The following ZNF385D variants were observed in gnomAD, a reference collection of about 807,000 sequenced individuals.
ZNF385D encodes zinc finger protein 385D.
ZNF385D carries 15 observed loss-of-function variants against 35.8 expected under a neutral mutation model. The ratio of observed to expected loss-of-function variants is 0.42; its 90% CI spans 0.28 to 0.64. The LOEUF (loss-of-function observed/expected upper bound fraction) is 0.64, where lower values mean the gene tolerates loss of function less well. ZNF385D is among the 30% of genes least tolerant of loss of function. ZNF385D has a pLI of 0.23. For missense variants in ZNF385D, 474 were observed against 494.6 expected, an observed-to-expected ratio of 0.96 and a Z score of 0.39; for synonymous variants, 212 against 186.8, an observed-to-expected ratio of 1.13 and a Z score of -1.10.
intron 2 of ZNF385D, among the ~76,000 whole-genome samples, chr3:22,292,686 T>C (rs1403640086): frequency 6.6e-6 from 1 of 152,074 alleles, no homozygotes; most frequent in Non-Finnish European, 1.5e-5. Flanking sequence ...TGGCATGGAG[T>C]TTTATTTCTG....
intron 2 of ZNF385D, among the ~76,000 whole-genome samples, chr3:21,635,536 G>T (rs1387819): frequency 0.72 from 109,610 of 151,784 alleles, 39,818 homozygotes; most frequent in Admixed American, 0.77. Context: ...GTCACTGTTT[G>T]TTGTTGTTGT....
chr3:21,509,466 TAGAGA>T (rs780376362), intron 4 of ZNF385D, among the ~76,000 whole-genome samples: 36 of 152,288 alleles, frequency 2.4e-4, no homozygotes, highest in Admixed American at 5.9e-4. Flanking sequence ...CTTCGATTAT[TAGAGA>T]AAAGACCAAA....
rs75904001 is a variant in ZNF385D, at chr3:21,656,298, G to A, written c.165+8588C>T. Among the ~76,000 whole-genome samples the A allele has an allele frequency of 3.2e-3, 485 of 151,998 alleles. 3 individuals are homozygous for A. The highest frequency in any genetic ancestry group is 3.8e-3 in the Non-Finnish European group (255 of 67,868). ...TCATAATAATACCATAGACTGGGTG[G>A]TTTCAACAACACACATTTATTGTCT... On this transcript the variant is annotated intron_variant, in intron 2 of 7. Transcript: ENST00000281523.
chr3:21,768,219 G>GC (rs776297429), intron 3 of ZNF385D, among the ~76,000 whole-genome samples: 5 of 152,112 alleles, frequency 3.3e-5, no homozygotes, highest in African/African-American at 4.8e-5. Flanking sequence ...TAAAGATAGA[G>GC]TTATTACCTA....
At chr3:21,689,115 C>T (rs1332796994) in intron 1 of ZNF385D, among the ~76,000 whole-genome samples, 2 of 143,878 alleles carry the variant, frequency 1.4e-5, no homozygotes, top group Admixed American at 1.4e-4. Context: ...TCTGTCCTGC[C>T]CCACCTTATT....
intron 3 of ZNF385D, among the ~76,000 whole-genome samples, chr3:21,913,205 G>A (rs1033194156): frequency 3.9e-5 from 6 of 152,100 alleles, no homozygotes; most frequent in Non-Finnish European, 5.9e-5. Flanking sequence ...GGTTCAGTGA[G>A]GAAGGGAAGG....
At chr3:21,990,451 G>T (rs192289778) in intron 3 of ZNF385D, among the ~76,000 whole-genome samples, 1 of 151,986 alleles carries the variant, frequency 6.6e-6, no homozygotes, top group Non-Finnish European at 1.5e-5. Flanking sequence ...CCTTTATCAG[G>T]GTGATAAGGT....
chr3:22,134,495 C>T (rs775876382), intron 3 of ZNF385D: 5 of 152,142 alleles, frequency 3.3e-5, no homozygotes, highest in South Asian at 2.1e-4. Flanking sequence ...TAAACAACAT[C>T]GTCAACCAAC....
chr3:21,834,877 G>C (rs1164596058), intron 3 of ZNF385D, among the ~76,000 whole-genome samples: 1 of 152,098 alleles, frequency 6.6e-6, no homozygotes, highest in Non-Finnish European at 1.5e-5. Flanking sequence ...GAAGGTGCTT[G>C]CTTCTCCTTC....
chr3:22,180,911 G>GTTTTTTTTTTTTTTTTTTTTTTT (rs1695207512), intron 2 of ZNF385D, among the ~76,000 whole-genome samples: 1 of 60,746 alleles, frequency 1.6e-5, no homozygotes, highest in Non-Finnish European at 2.9e-5. Flanking sequence ...ATATGCTTTT[G>GTTTTTTTTTTTTTTTTTTTTTTT]TTCTTTTTTT....
intron 3 of ZNF385D, among the ~76,000 whole-genome samples, chr3:22,142,608 G>A (rs991792290): frequency 2.0e-5 from 3 of 151,834 alleles, no homozygotes; most frequent in African/African-American, 7.3e-5. Context: ...AAACATATCC[G>A]CACAGATTGT....
At chr3:22,097,465 T>A (rs910596259) in intron 3 of ZNF385D, among the ~76,000 whole-genome samples, 1 of 152,006 alleles carries the variant, frequency 6.6e-6, no homozygotes, top group Non-Finnish European at 1.5e-5. Context: ...TATTGGAAAC[T>A]GGAAGAAATT....
intron 3 of ZNF385D, among the ~76,000 whole-genome samples, chr3:21,845,663 G>T (rs1261568475): frequency 6.6e-6 from 1 of 151,788 alleles, no homozygotes; most frequent in East Asian, 1.9e-4. Flanking sequence ...ATCCCCTGAA[G>T]AAACACCCAA....
Position 21,665,049 on chromosome 3 carries a change from G to T in ZNF385D, c.23-21C>A, listed in dbSNP as rs1489593575. The T allele has an allele frequency of 3.8e-6, 6 of 1,574,574 alleles. No homozygotes were observed. The Admixed American group carries it at 7.5e-5, about 20-fold the overall frequency. Reference sequence around the variant, plus strand: ...ACCACCTGTGAAGACCAGAGCAAAGGGAGCAATCAGGGACACCACGCATGG... The same window carrying T: ...ACCACCTGTGAAGACCAGAGCAAAGTGAGCAATCAGGGACACCACGCATGG... On this transcript the variant is annotated intron_variant, in intron 1 of 7. Transcript: ENST00000281523.
chr3:21,502,866 C>A (rs983812494), intron 4 of ZNF385D, among the ~76,000 whole-genome samples: 36 of 152,290 alleles, frequency 2.4e-4, no homozygotes, highest in African/African-American at 8.7e-4. Flanking sequence ...GCACTCCAGG[C>A]ACAAATGGTT....
chr3:21,963,311 A>G (rs1441188995), intron 3 of ZNF385D, among the ~76,000 whole-genome samples: 2 of 152,174 alleles, frequency 1.3e-5, no homozygotes, highest in African/African-American at 4.8e-5. Flanking sequence ...GTAGGATTAA[A>G]GCAGTGGCCA....
intron 2 of ZNF385D, among the ~76,000 whole-genome samples, chr3:21,586,086 G>A (rs989858382): frequency 2.0e-5 from 3 of 151,936 alleles, no homozygotes; most frequent in Admixed American, 6.6e-5. Flanking sequence ...CGCACCTGTA[G>A]GCCCAACTAC....
intron 3 of ZNF385D, among the ~76,000 whole-genome samples, chr3:21,527,813 C>T (rs187113629): frequency 9.9e-5 from 15 of 152,122 alleles, no homozygotes; most frequent in Admixed American, 3.9e-4. Context: ...TATTTGTCAT[C>T]GCAGCTTTGT....
intron 2 of ZNF385D, among the ~76,000 whole-genome samples, chr3:21,582,626 G>A (rs1003580937): frequency 2.0e-5 from 3 of 152,122 alleles, no homozygotes; most frequent in Admixed American, 6.5e-5. Context: ...ATAAAGTCAA[G>A]GATATCTGAT....
Sources: allele counts gnomAD v4.1 joint callset (sites outside exome capture counted in the v4.1 genomes callset), GRCh38; gene constraint gnomAD v4.1.1; transcripts MANE v1.5; gene names NCBI Gene and HGNC (gene_info 2026-07-23, HGNC 2026-07-21).